The following IQGAP2 variants were observed in gnomAD, a reference collection of about 807,000 sequenced individuals.
IQGAP2 encodes the protein ras GTPase-activating-like protein IQGAP2.
Under a neutral mutation model 201.3 loss-of-function variants are expected in IQGAP2, and 173 were observed. The ratio of observed to expected loss-of-function variants is 0.86; its 90% CI spans 0.76 to 0.98. IQGAP2 has a LOEUF of 0.98. Among genes scored for constraint, IQGAP2 ranks in the 50% least tolerant of loss-of-function variants. IQGAP2 has a pLI of 0.00. For missense variants in IQGAP2, 1,687 were observed against 1,864.8 expected (o/e 0.90, Z 1.76); for synonymous variants, 675 against 673.9 (o/e 1.00, Z -0.03).
chr5:76,466,245 G>A (rs1276454062), intron 2 of IQGAP2, among the ~76,000 whole-genome samples: 3 of 152,122 alleles, frequency 2.0e-5, no homozygotes, highest in Non-Finnish European at 4.4e-5. Context: ...GGAGGCTGAG[G>A]CGTGAAGATC....
chr5:76,436,149 A>G (rs900238722), intron 1 of IQGAP2, among the ~76,000 whole-genome samples: 3 of 152,144 alleles, frequency 2.0e-5, no homozygotes, highest in African/African-American at 4.8e-5. Flanking sequence ...ATAAATGATC[A>G]TATCATCAGC....
At chr5:76,647,037 C>G (rs999219531) in intron 17 of IQGAP2, among the ~76,000 whole-genome samples, 2 of 151,642 alleles carry the variant, frequency 1.3e-5, no homozygotes, top group Non-Finnish European at 2.9e-5. Flanking sequence ...TTTTTTAAAT[C>G]TTTAATTTTG....
chr5:76,519,717 G>A (rs1482188971), intron 2 of IQGAP2, among the ~76,000 whole-genome samples: 1 of 152,006 alleles, frequency 6.6e-6, no homozygotes, highest in Non-Finnish European at 1.5e-5. Context: ...TTTTGTTTTA[G>A]CCATTCTAAC....
At chr5:76,591,005 G>A (rs1466517471) in intron 8 of IQGAP2, among the ~76,000 whole-genome samples, 1 of 152,188 alleles carries the variant, frequency 6.6e-6, no homozygotes, top group Non-Finnish European at 1.5e-5. Flanking sequence ...GCTGAGGTAG[G>A]AGAATCACTT....
At chr5:76,622,768 C>G (rs1251088031) in intron 13 of IQGAP2, among the ~76,000 whole-genome samples, 1 of 152,172 alleles carries the variant, frequency 6.6e-6, no homozygotes, top group African/African-American at 2.4e-5. Flanking sequence ...TGGCAGTATT[C>G]TTGTTTCTCC....
intron 2 of IQGAP2, among the ~76,000 whole-genome samples, chr5:76,509,377 GT>G (rs1393741398): frequency 1.3e-5 from 2 of 149,458 alleles, no homozygotes; most frequent in Non-Finnish European, 1.5e-5. Flanking sequence ...TTGCCAATTT[GT>G]TTTTTGTTTG....
intron 28 of IQGAP2, 101 bp from the exon 29 acceptor site, chr5:76,683,014 T>G: frequency 1.6e-6 from 1 of 627,500 alleles, no homozygotes; most frequent in East Asian, 2.9e-5. Flanking sequence ...ATATTTAAGA[T>G]TTAAATGGTA....
At chr5:76,680,632 G>GA (rs1055940101) in intron 28 of IQGAP2, among the ~76,000 whole-genome samples, 15 of 148,070 alleles carry the variant, frequency 1.0e-4, no homozygotes, top group African/African-American at 2.7e-4. Context: ...GACAAAATAG[G>GA]AAAAAAAAAT....
At chr5:76,674,944 G>A (rs1744675733) in intron 27 of IQGAP2, among the ~76,000 whole-genome samples, 1 of 152,182 alleles carries the variant, frequency 6.6e-6, no homozygotes, top group African/African-American at 2.4e-5. Context: ...AGTCTTTTCT[G>A]TGTGTATTAT....
intron 28 of IQGAP2, among the ~76,000 whole-genome samples, chr5:76,681,208 C>A (rs1745265475): frequency 6.7e-6 from 1 of 149,976 alleles, no homozygotes; most frequent in South Asian, 2.1e-4. Flanking sequence ...AATCCTACAA[C>A]TCAATGATAG....
intron 2 of IQGAP2, among the ~76,000 whole-genome samples, chr5:76,478,372 G>T (rs771437974): frequency 3.3e-5 from 5 of 152,206 alleles, no homozygotes; most frequent in Non-Finnish European, 7.3e-5. Context: ...CTGCACTTCA[G>T]CCTAGGAGAC....
intron 2 of IQGAP2, among the ~76,000 whole-genome samples, chr5:76,503,197 G>A (rs1204407015): frequency 3.6e-5 from 4 of 111,958 alleles, no homozygotes; most frequent in South Asian, 2.7e-4. Context: ...TTTTTGAGAC[G>A]GAGTTTGGTC....
chr5:76,597,835 A>G (rs1747147190), intron 10 of IQGAP2, among the ~76,000 whole-genome samples: 1 of 152,194 alleles, frequency 6.6e-6, no homozygotes, highest in South Asian at 2.1e-4. Context: ...TGGTCTATAC[A>G]TATACCTGTG....
At chr5:76,505,082 G>A (rs893573386) in intron 2 of IQGAP2, among the ~76,000 whole-genome samples, 5 of 152,314 alleles carry the variant, frequency 3.3e-5, no homozygotes, top group Middle Eastern at 3.4e-3. Context: ...AGTGTCTAGG[G>A]GGGTAAGCTC....
chr5:76,557,162 T>C (rs946578461), intron 2 of IQGAP2, among the ~76,000 whole-genome samples: 6 of 152,194 alleles, frequency 3.9e-5, no homozygotes, highest in Non-Finnish European at 7.4e-5. Flanking sequence ...AGGATTCAGT[T>C]TGGTGAGTTG....
chr5:76,440,676 G>C (rs1300113247), intron 1 of IQGAP2, among the ~76,000 whole-genome samples: 3 of 152,166 alleles, frequency 2.0e-5, no homozygotes, highest in Non-Finnish European at 4.4e-5. Context: ...CAGTGATTGA[G>C]AGCATACAGC....
At chr5:76,627,129 G>T (rs1750318219) in intron 13 of IQGAP2, among the ~76,000 whole-genome samples, 1 of 152,160 alleles carries the variant, frequency 6.6e-6, no homozygotes, top group African/African-American at 2.4e-5. Flanking sequence ...CCACTGTGGT[G>T]AGGGCAAGCT....
chr5:76,500,747 A>G (rs960795086), intron 2 of IQGAP2, among the ~76,000 whole-genome samples: 1 of 152,082 alleles, frequency 6.6e-6, no homozygotes, highest in African/African-American at 2.4e-5. Context: ...TTTTTCAATA[A>G]TGTCATCATT....
chr5:76,474,915 T>C (rs915472747), intron 2 of IQGAP2, among the ~76,000 whole-genome samples: 1 of 152,196 alleles, frequency 6.6e-6, no homozygotes, highest in Admixed American at 6.5e-5. Context: ...TTTCACCATA[T>C]TGGTCAGGCT....
Sources: allele counts gnomAD v4.1 joint callset (sites outside exome capture counted in the v4.1 genomes callset), GRCh38; gene constraint gnomAD v4.1.1; transcripts MANE v1.5; gene names NCBI Gene and HGNC (gene_info 2026-07-23, HGNC 2026-07-21).